RNF146: variants seen among roughly 807,000 people sequenced by gnomAD.
RNF146 encodes E3 ubiquitin-protein ligase RNF146.
In RNF146, 11 loss-of-function variants were observed where a neutral mutation model predicts 29.7. The ratio of observed to expected loss-of-function variants is 0.37; its 90% CI spans 0.23 to 0.61. The LOEUF (loss-of-function observed/expected upper bound fraction) is 0.61. Ranked by LOEUF, RNF146 falls within the 20% of genes least tolerant of loss-of-function variation. The probability of loss-of-function intolerance (pLI) is 0.66; values close to 1 mark genes in which losing one functional copy is unlikely to be tolerated. For synonymous variants in RNF146, 150 were observed against 159.7 expected (o/e 0.94, Z 0.46); for missense variants, 342 against 438.9 (o/e 0.78, Z 1.97).
rs753973063 is a variant in RNF146 at position 127,287,122 on chromosome 6, T to A, written c.509T>A (p.Ile170Lys). The change falls in exon 3 of 3, where the codon ATA becomes AAA. Residue 170 changes from isoleucine to lysine, a missense_variant. This residue lies in a region of RNF146 where 28 missense variants were observed against 40.7 expected (regional missense o/e 0.69). Coordinates refer to ENST00000368314, the MANE Select transcript of RNF146 (RefSeq NM_001242850.2). ...HGRRRKIKRD[I>K]IDIPKKGVAG... The stretch of plus-strand genomic sequence containing the variant: ...CGTCGCAGGAAGATTAAGCGAGATA[T>A]AATAGATATACCAAAGAAGGGAGTA... 1.9e-6 allele frequency: 3 copies of A among 1,613,286 alleles called. No individual in the cohort carries two copies. Among genetic ancestry groups the A allele is most frequent in the East Asian group, 4.5e-5 (2 of 44,828 alleles).
At chr6:127,285,900 G>C (rs1197864104) in intron 2 of RNF146, 2 of 448,918 alleles carry the variant, frequency 4.5e-6, no homozygotes, top group African/African-American at 4.1e-5. Context: ...TTTATCTTTA[G>C]ACCCATCAGT....
intron 1 of RNF146, among the ~76,000 whole-genome samples, chr6:127,273,602 A>G (rs1462042522): frequency 2.0e-5 from 3 of 152,140 alleles, no homozygotes; most frequent in African/African-American, 4.8e-5. Context: ...CTGTATGTAT[A>G]TAAGTCAACT....
chr6:127,271,270 T>C (rs1182758221), intron 1 of RNF146, among the ~76,000 whole-genome samples: 1 of 152,166 alleles, frequency 6.6e-6, no homozygotes, highest in Non-Finnish European at 1.5e-5. Context: ...TTTTGGAAAC[T>C]CAAAAGTTTA....
intron 1 of RNF146, among the ~76,000 whole-genome samples, chr6:127,272,311 T>G (rs1390626916): frequency 6.6e-6 from 1 of 152,210 alleles, no homozygotes; most frequent in Non-Finnish European, 1.5e-5. Context: ...TTTTCATTTG[T>G]GAAGAGCTCC....
intron 1 of RNF146, among the ~76,000 whole-genome samples, chr6:127,273,261 A>G (rs1392124544): frequency 3.3e-5 from 5 of 152,224 alleles, no homozygotes; most frequent in Admixed American, 1.3e-4. Context: ...CATAATAGCA[A>G]CAGGAAATTA....
chr6:127,278,286 A>G (rs924913229), intron 1 of RNF146, among the ~76,000 whole-genome samples: 1 of 151,532 alleles, frequency 6.6e-6, no homozygotes, highest in Admixed American at 6.6e-5. Context: ...ATGTTATGCA[A>G]CTATCACCAT....
Position 127,287,556 on chromosome 6 carries a change from G to T in RNF146, c.943G>T (p.Val315Phe), listed in dbSNP as rs755999333. 1.4e-5 allele frequency: 22 copies of T among 1,612,936 alleles called. No individual in the cohort carries two copies. Among genetic ancestry groups the T allele is most frequent in the Non-Finnish European group, 1.9e-5 (22 of 1,179,512 alleles). Reference protein sequence around the residue: ...QHSLTQQRLLVSNANQTVPDR... With the variant: ...QHSLTQQRLLFSNANQTVPDR... The stretch of plus-strand genomic sequence containing the variant: ...CTCCTTGACCCAACAGAGACTTTTG[G>T]TTTCTAATGCAAACCAGACAGTACC... Residue 315 changes from valine (V) to phenylalanine (F), a missense_variant, in exon 3 of 3, where the codon GTT (valine) becomes TTT (phenylalanine). Transcript: ENST00000368314.
Position 127,287,742 on chromosome 6 carries a change from A to G in RNF146, c.*49A>G, listed in dbSNP as rs776373818. 2 of 1,210,342 alleles carry G rather than the reference A, an allele frequency of 1.7e-6. No individual in the cohort carries two copies. Among genetic ancestry groups the G allele is most frequent in the African/African-American group, 1.5e-5 (1 of 65,530 alleles). The allele number at this position is 1,210,342 out of a possible 1,614,324, so 75.0% of individuals were successfully genotyped here. On this transcript the variant is annotated 3_prime_UTR_variant, in exon 3 of 3. Transcript: ENST00000368314. ...CTCAAGGTTGAAAGGGTTACCTGTAAATTTCTGCCCACATAACATTATACT... is the reference window on the plus strand; with the variant it reads ...CTCAAGGTTGAAAGGGTTACCTGTAGATTTCTGCCCACATAACATTATACT...
chr6:127,280,929 C>T (rs1374134150), intron 2 of RNF146, among the ~76,000 whole-genome samples: 5 of 151,672 alleles, frequency 3.3e-5, no homozygotes, highest in African/African-American at 1.2e-4. Context: ...ATTGATGAAA[C>T]ATTTTTCACT....
intron 1 of RNF146, among the ~76,000 whole-genome samples, chr6:127,275,320 G>A (rs1778050164): frequency 6.6e-6 from 1 of 152,104 alleles, no homozygotes; most frequent in South Asian, 2.1e-4. Flanking sequence ...AACTCCTTTA[G>A]ATTTTAAGTT....
At chr6:127,276,158 A>ATG (rs1035849594) in intron 1 of RNF146, among the ~76,000 whole-genome samples, 14 of 151,268 alleles carry the variant, frequency 9.3e-5, no homozygotes, top group South Asian at 4.2e-4. Context: ...GAGTGAGTGT[A>ATG]TGTGTGTGTG....
chr6:127,273,331 T>C (rs1463947670), intron 1 of RNF146, among the ~76,000 whole-genome samples: 2 of 152,206 alleles, frequency 1.3e-5, no homozygotes, highest in African/African-American at 2.4e-5. Flanking sequence ...TCTTTACATT[T>C]GTTTAAATTT....
chr6:127,269,895 A>G (rs1777219300), intron 1 of RNF146, among the ~76,000 whole-genome samples: 1 of 152,110 alleles, frequency 6.6e-6, no homozygotes, highest in Non-Finnish European at 1.5e-5. Context: ...TGTTTTGTGT[A>G]TTTTGAATAA....
rs1046037775 is a variant in RNF146 at position 127,280,091 on chromosome 6, T to C, written c.-108-140T>C. 10 of 471,694 alleles carry C rather than the reference T, an allele frequency of 2.1e-5. 1 individual carries two copies. The Admixed American group carries it at 2.4e-4, about 11-fold the overall frequency. The allele number at this position is 471,694 out of a possible 1,614,324, so 29.2% of individuals were successfully genotyped here. On this transcript the variant is annotated intron_variant, in intron 1 of 2. Transcript: ENST00000368314. Reference sequence around the variant, plus strand: ...GCTCTGCTAGAACTTACAGTCATGTTGAATAGCAGTGGTAAAAGCATGCAT... The same window carrying C: ...GCTCTGCTAGAACTTACAGTCATGTCGAATAGCAGTGGTAAAAGCATGCAT...
At chr6:127,275,729 A>G (rs1222439212) in intron 1 of RNF146, among the ~76,000 whole-genome samples, 1 of 152,112 alleles carries the variant, frequency 6.6e-6, no homozygotes, top group Non-Finnish European at 1.5e-5. Context: ...TTTCTGTGTA[A>G]TATATTAAAG....
intron 1 of RNF146, among the ~76,000 whole-genome samples, chr6:127,267,247 G>A (rs539803032): frequency 6.6e-6 from 1 of 152,148 alleles, no homozygotes; most frequent in African/African-American, 2.4e-5. Flanking sequence ...GGGCGCCGCA[G>A]CCCCTGCCCT....
chr6:127,268,976 C>T (rs995664112), intron 1 of RNF146, among the ~76,000 whole-genome samples: 10 of 152,174 alleles, frequency 6.6e-5, no homozygotes, highest in African/African-American at 2.4e-4. Context: ...CATATACTAC[C>T]AGGAAACATC....
chr6:127,269,957 A>G lies in RNF146; in HGVS notation c.-109+3032A>G, dbSNP rs117610215. ...CTGTTAATAATTAGAAAAATACAGTAAGTCTTCAAATATTTATAATTGATA... is the reference window on the plus strand; with the variant it reads ...CTGTTAATAATTAGAAAAATACAGTGAGTCTTCAAATATTTATAATTGATA... On this transcript the variant is annotated intron_variant, in intron 1 of 2. Coordinates refer to ENST00000368314, the MANE Select transcript of RNF146 (RefSeq NM_001242850.2). Among the ~76,000 whole-genome samples, 328 of 152,308 alleles carry G rather than the reference A, an allele frequency of 2.2e-3. 13 individuals are homozygous for G. In the East Asian group the frequency reaches 0.057, roughly 27 times the overall value.
In RNF146 at chr6:127,286,790, A is replaced by G. The variant is rs771960571; in HGVS notation, c.177A>G (p.Leu59=). The G allele has an allele frequency of 1.9e-5, 31 of 1,613,082 alleles. No homozygotes were observed. Among genetic ancestry groups the G allele is most frequent in the African/African-American group, 5.3e-5 (4 of 74,788 alleles). Residue 59 remains leucine, a synonymous_variant, in exon 3 of 3, where the codon CTA becomes CTG. Coordinates refer to ENST00000368314, the MANE Select transcript of RNF146 (RefSeq NM_001242850.2). The surrounding 1 kb of genome is among the most constrained non-coding windows in gnomAD (Gnocchi z 4.6). ...CCTGTAAGCACGTTTTCTGCTATCT[A>G]TGTGTAAAAGGAGCTTCATGGCTTG... ...SLPCKHVFCY[L]CVKGASWLGK... is the part of the protein sequence containing the mutation.
Sources: allele counts gnomAD v4.1 joint callset (sites outside exome capture counted in the v4.1 genomes callset), GRCh38; gene constraint gnomAD v4.1.1; regional missense constraint gnomAD v4.1.1; non-coding constraint Gnocchi (gnomAD v3.1); transcripts MANE v1.5; gene names NCBI Gene and HGNC (gene_info 2026-07-23, HGNC 2026-07-21).